The following MIER3 variants were observed in gnomAD, a reference collection of about 807,000 sequenced individuals.
MIER3 encodes the protein MIER family member 3.
A neutral mutation model predicts 63.2 loss-of-function variants in MIER3; 9 were observed. That is an observed-to-expected ratio of 0.14 (90% CI 0.09 to 0.25). The LOEUF is 0.25. Ranked by LOEUF, MIER3 falls within the 10% of genes least tolerant of loss-of-function variation. The pLI is 1.00. For missense variants in MIER3, 512 were observed against 666.2 expected, an observed-to-expected ratio of 0.77 and a Z score of 2.55; for synonymous variants, 205 against 224.9, an observed-to-expected ratio of 0.91 and a Z score of 0.79.
chr5:56,935,668 T>C lies in MIER3; in HGVS notation c.520A>G (p.Lys174Glu). 6.2e-7 allele frequency: 1 copy of C among 1,613,116 alleles called. No individual in the cohort carries two copies. Among genetic ancestry groups the C allele is most frequent in the Non-Finnish European group, 8.5e-7 (1 of 1,179,342 alleles). Reference protein sequence around the residue: ...DSGNSPEDLRKEIMIGLQYQA... With the variant: ...DSGNSPEDLREEIMIGLQYQA... ...TCCACTATATTAACTCAGCTTACCT[T>C]CCTCAAATCTTCAGGTGAATTACCA... Residue 174 changes from lysine to glutamate, a missense_variant and splice_region_variant, in exon 6 of 13, where the codon AAG (lysine) becomes GAG (glutamate). Coordinates refer to ENST00000381199, the MANE Select transcript of MIER3 (RefSeq NM_001297599.2).
intron 3 of MIER3, among the ~76,000 whole-genome samples, chr5:56,943,709 G>A (rs1251008788): frequency 2.6e-5 from 4 of 152,154 alleles, no homozygotes; most frequent in Non-Finnish European, 5.9e-5. Context: ...CTCTTTGAGA[G>A]CCTATTAATA....
Position 56,923,912 on chromosome 5 carries a change from T to C in MIER3, c.1052+3A>G, listed in dbSNP as rs375975736. The C allele has an allele frequency of 4.3e-5, 70 of 1,613,990 alleles. No individual in the cohort carries two copies. Among genetic ancestry groups the C allele is most frequent in the Non-Finnish European group, 5.8e-5 (69 of 1,179,996 alleles). On this transcript the variant is annotated splice_donor_region_variant and intron_variant, in intron 11 of 12. Transcript: ENST00000381199. ...TCTTTGAAGGCAAGGCCACAGTACT[T>C]ACGTAACTCCAGGGTGATGGTTATA...
intron 7 of MIER3, 73 bp from the exon 8 acceptor site, chr5:56,933,471 TCTTC>T (rs1750342867): frequency 7.3e-7 from 1 of 1,364,178 alleles, no homozygotes; most frequent in Non-Finnish European, 9.8e-7. Context: ...CAATTCTTTG[TCTTC>T]CTTGATTGGC....
intron 3 of MIER3, chr5:56,941,141 G>C (rs891576022): frequency 1.0e-6 from 1 of 985,282 alleles, no homozygotes; most frequent in African/African-American, 1.7e-5. Flanking sequence ...CTTAGTGGGA[G>C]GAACTTAGTG....
At chr5:56,936,192 G>A (rs1042573377) in intron 5 of MIER3, among the ~76,000 whole-genome samples, 1 of 150,534 alleles carries the variant, frequency 6.6e-6, no homozygotes, top group Non-Finnish European at 1.5e-5. Context: ...ACTCCAGCCT[G>A]GGCAACAGAG....
In MIER3 at chr5:56,926,053, G is replaced by A. The variant is rs113513062; in HGVS notation, c.925-2011C>T. Reference sequence around the variant, plus strand: ...AACTGGACATCCACATAAAAAAAAAGAGAAATGAATCTAGACATAGACCTT... The same window carrying A: ...AACTGGACATCCACATAAAAAAAAAAAGAAATGAATCTAGACATAGACCTT... On this transcript the variant is annotated intron_variant, in intron 10 of 12. Coordinates refer to ENST00000381199, the MANE Select transcript of MIER3 (RefSeq NM_001297599.2). 2.1e-3 allele frequency among the ~76,000 whole-genome samples: 324 copies of A among 151,886 alleles called. 4 individuals are homozygous for A. Among genetic ancestry groups the A allele is most frequent in the Admixed American group, 0.012 (178 of 15,238 alleles).
chr5:56,930,226 T>C (rs147913952), intron 9 of MIER3, among the ~76,000 whole-genome samples: 1 of 152,158 alleles, frequency 6.6e-6, no homozygotes, highest in African/African-American at 2.4e-5. Flanking sequence ...TAAAATGTTA[T>C]TACATGATTA....
intron 3 of MIER3, among the ~76,000 whole-genome samples, chr5:56,940,210 C>T (rs1174647085): frequency 1.3e-5 from 2 of 152,170 alleles, no homozygotes; most frequent in Non-Finnish European, 2.9e-5. Context: ...AATAAATAAC[C>T]TCAAAACAAT....
intron 1 of MIER3, 133 bp downstream of exon 1, chr5:56,951,961 C>A: frequency 1.3e-6 from 1 of 745,012 alleles, no homozygotes; most frequent in Non-Finnish European, 1.7e-6. Flanking sequence ...CGCCCCGCGA[C>A]CCCCGCGTCG....
chr5:56,936,080 G>A (rs1321761016), intron 5 of MIER3, among the ~76,000 whole-genome samples: 1 of 152,046 alleles, frequency 6.6e-6, no homozygotes, highest in African/African-American at 2.4e-5. Context: ...AGCCGGGCGT[G>A]GTGGGGGGTG....
At chr5:56,942,955 C>T (rs562260892) in intron 3 of MIER3, among the ~76,000 whole-genome samples, 55 of 152,132 alleles carry the variant, frequency 3.6e-4, no homozygotes, top group African/African-American at 1.3e-3. Context: ...CCAGCCTGGG[C>T]ATTGCAAGAC....
Position 56,940,707 on chromosome 5 carries a change from T to C in MIER3, c.181-1690A>G, listed in dbSNP as rs558226119. The stretch of plus-strand genomic sequence containing the variant: ...GAGCATGGAATCAGCATAAATTGAA[T>C]TGGATGGTCAGAACAGGGTGAAGTT... On this transcript the variant is annotated intron_variant, in intron 3 of 12. Transcript: ENST00000381199. 3.3e-5 allele frequency among the ~76,000 whole-genome samples: 5 copies of C among 152,338 alleles called. No homozygotes were observed. The South Asian group carries it at 8.3e-4, about 25-fold the overall frequency.
At chr5:56,938,390 T>C (rs569135024) in intron 4 of MIER3, 1 of 470,298 alleles carries the variant, frequency 2.1e-6, no homozygotes, top group Non-Finnish European at 4.4e-6. Context: ...GCCATGGCCG[T>C]GTGAATTTTC....
intron 2 of MIER3, among the ~76,000 whole-genome samples, chr5:56,948,819 C>T (rs2112154600): frequency 6.6e-6 from 1 of 152,320 alleles, no homozygotes; most frequent in South Asian, 2.1e-4. Context: ...TCTTTCACCT[C>T]TTTGGTAGCA....
chr5:56,925,293 C>A, intron 10 of MIER3: 1 of 450,322 alleles, frequency 2.2e-6, no homozygotes, highest in South Asian at 1.6e-5. Context: ...AAAAAGTATA[C>A]AGATTGGGAA....
In MIER3 at chr5:56,924,213, C is replaced by A. The variant is rs565619238; in HGVS notation, c.925-171G>T. On this transcript the variant is annotated intron_variant, in intron 10 of 12. Coordinates refer to ENST00000381199, the MANE Select transcript of MIER3 (RefSeq NM_001297599.2). ...TCTGAACACTTTGATTAGTGGAATG[C>A]CTTTACATTTAATAATGAGGCCATT... is the stretch of plus-strand genomic sequence containing the variant. Among the ~76,000 whole-genome samples the A allele has an allele frequency of 2.2e-4, 34 of 152,062 alleles. No homozygotes were observed. The Middle Eastern group carries it at 0.014, about 61-fold the overall frequency.
At chr5:56,941,904 G>T (rs1439393193) in intron 3 of MIER3, among the ~76,000 whole-genome samples, 1 of 152,152 alleles carries the variant, frequency 6.6e-6, no homozygotes, top group Non-Finnish European at 1.5e-5. Context: ...ATGGGTCACT[G>T]GACGTGGGAG....
chr5:56,952,027 G>A (rs1201529943), intron 1 of MIER3, 67 bp downstream of exon 1: 2 of 1,236,726 alleles, frequency 1.6e-6, no homozygotes, highest in African/African-American at 3.2e-5. Flanking sequence ...AGGCTGGCTC[G>A]GGGGTCGCGG....
chr5:56,942,783 G>A (rs1750691451), intron 3 of MIER3, among the ~76,000 whole-genome samples: 1 of 152,160 alleles, frequency 6.6e-6, no homozygotes, highest in South Asian at 2.1e-4. Context: ...ATGGTCACTT[G>A]GGTCAAATTC....
Sources: allele counts gnomAD v4.1 joint callset (sites outside exome capture counted in the v4.1 genomes callset), GRCh38; gene constraint gnomAD v4.1.1; transcripts MANE v1.5; gene names NCBI Gene and HGNC (gene_info 2026-07-23, HGNC 2026-07-21).